The following CHCHD6 variants were observed in gnomAD, a reference collection of about 807,000 sequenced individuals.
The protein encoded by CHCHD6 is MICOS complex subunit MIC25.
CHCHD6 carries 28 observed loss-of-function variants against 32.3 expected under a neutral mutation model. That is an observed-to-expected ratio of 0.87 (90% CI 0.64 to 1.19). The LOEUF is 1.19. Among genes scored for constraint, CHCHD6 ranks in the 50% most tolerant of loss-of-function variants. CHCHD6 has a pLI of 0.00. For synonymous variants in CHCHD6, 122 were observed against 117.5 expected (o/e 1.04, Z -0.25); for missense variants, 333 against 307.0 (o/e 1.08, Z -0.63).
chr3:126,713,772 C>G lies in CHCHD6; in HGVS notation c.87+9373C>G, dbSNP rs545072762. 2.0e-5 allele frequency among the ~76,000 whole-genome samples: 3 copies of G among 152,320 alleles called. 1 individual carries two copies. In the South Asian group the frequency reaches 6.2e-4, roughly 32 times the overall value. Reference sequence around the variant, plus strand: ...ACTTGTTGGATAAAAGTTTAAGCCACTGGCTCAGTTTTTCTTGCCTCAAAC... The same window carrying G: ...ACTTGTTGGATAAAAGTTTAAGCCAGTGGCTCAGTTTTTCTTGCCTCAAAC... On this transcript the variant is annotated intron_variant, in intron 1 of 7. Coordinates refer to ENST00000290913, the MANE Select transcript of CHCHD6 (RefSeq NM_032343.3).
intron 4 of CHCHD6, among the ~76,000 whole-genome samples, chr3:126,809,555 G>T (rs1347853252): frequency 6.6e-6 from 1 of 152,204 alleles, no homozygotes; most frequent in East Asian, 1.9e-4. Flanking sequence ...ACTCAGAATT[G>T]TGTAAGCTGA....
At chr3:126,945,915 G>T (rs1053552068) in intron 6 of CHCHD6, among the ~76,000 whole-genome samples, 1 of 152,036 alleles carries the variant, frequency 6.6e-6, no homozygotes, top group African/African-American at 2.4e-5. Flanking sequence ...AAGACGACAG[G>T]GGGTGGGGAA....
chr3:126,704,339 C>T lies in CHCHD6; in HGVS notation c.27C>T (p.Gly9=). ...TGGGGAGCACGGAGAGCAGCGAGGG[C>T]CGCAGGGTGTCCTTCGGAGTGGACG... is the stretch of plus-strand genomic sequence containing the variant. MGSTESSE[G]RRVSFGVDEE... is the part of the protein sequence containing the mutation. Residue 9 remains glycine (G), a synonymous_variant, in exon 1 of 8, where the codon GGC becomes GGT. Transcript: ENST00000290913. 6.2e-7 allele frequency: 1 copy of T among 1,601,866 alleles called. No homozygotes were observed. Among genetic ancestry groups the T allele is most frequent in the Non-Finnish European group, 8.5e-7 (1 of 1,175,922 alleles).
chr3:126,710,787 C>G (rs1934715023), intron 1 of CHCHD6, among the ~76,000 whole-genome samples: 1 of 152,142 alleles, frequency 6.6e-6, no homozygotes, highest in Admixed American at 6.5e-5. Context: ...TTGTATCTTG[C>G]AACCTCGTTA....
intron 5 of CHCHD6, among the ~76,000 whole-genome samples, chr3:126,873,059 C>G (rs992100436): frequency 1.1e-4 from 16 of 152,148 alleles, no homozygotes; most frequent in Non-Finnish European, 2.1e-4. Flanking sequence ...CACGGCTGGT[C>G]GTAAATATCC....
chr3:126,747,393 A>AT (rs1936550230), intron 4 of CHCHD6, among the ~76,000 whole-genome samples: 1 of 152,186 alleles, frequency 6.6e-6, no homozygotes, highest in African/African-American at 2.4e-5. Flanking sequence ...AGTGCAACTC[A>AT]TAAGGTTAGT....
intron 5 of CHCHD6, among the ~76,000 whole-genome samples, chr3:126,875,087 C>T (rs535027517): frequency 6.6e-6 from 1 of 152,368 alleles, no homozygotes; most frequent in South Asian, 2.1e-4. Context: ...CTGGATCCCA[C>T]TGGGCGGAGC....
At chr3:126,813,413 G>A (rs1259033811) in intron 4 of CHCHD6, among the ~76,000 whole-genome samples, 1 of 152,130 alleles carries the variant, frequency 6.6e-6, no homozygotes, top group Non-Finnish European at 1.5e-5. Flanking sequence ...GAGATAAATG[G>A]TCACCTTACT....
intron 4 of CHCHD6, among the ~76,000 whole-genome samples, chr3:126,845,972 T>C (rs1346612530): frequency 6.6e-6 from 1 of 152,178 alleles, no homozygotes; most frequent in Non-Finnish European, 1.5e-5. Context: ...AAAAAATGAA[T>C]GACTCTGAGT....
intron 6 of CHCHD6, chr3:126,953,198 C>A: frequency 1.1e-6 from 1 of 924,922 alleles, no homozygotes. Flanking sequence ...TGTCTGATCC[C>A]AGAACCTGTG....
chr3:126,750,068 A>G (rs1346856563), intron 4 of CHCHD6, among the ~76,000 whole-genome samples: 1 of 152,204 alleles, frequency 6.6e-6, no homozygotes, highest in Non-Finnish European at 1.5e-5. Flanking sequence ...AACTGAGGAC[A>G]TCCAGTACAG....
At chr3:126,803,539 A>G (rs1303078388) in intron 4 of CHCHD6, among the ~76,000 whole-genome samples, 2 of 152,244 alleles carry the variant, frequency 1.3e-5, no homozygotes, top group Non-Finnish European at 2.9e-5. Context: ...TCTGCACCCA[A>G]TACAGGAGCA....
At chr3:126,733,593 A>G (rs1033845107) in intron 4 of CHCHD6, among the ~76,000 whole-genome samples, 9 of 152,206 alleles carry the variant, frequency 5.9e-5, no homozygotes, top group Non-Finnish European at 1.3e-4. Flanking sequence ...GCCTGGAGCC[A>G]TGTAATATAT....
chr3:126,872,226 GC>G (rs2077484736), intron 5 of CHCHD6, among the ~76,000 whole-genome samples: 1 of 152,100 alleles, frequency 6.6e-6, no homozygotes, highest in African/African-American at 2.4e-5. Context: ...GCCCCTCACA[GC>G]AAGGAATTAG....
At position 126,714,910 on chromosome 3, in the gene CHCHD6, T is replaced by C. The variant is rs528388864; in HGVS notation, c.87+10511T>C. ...CTGTGATGCCTCACTTTGTGAACTG[T>C]GTGAACTTTCAATGCAAAGACTAAT... On this transcript the variant is annotated intron_variant, in intron 1 of 7. Transcript: ENST00000290913. 2.8e-4 allele frequency among the ~76,000 whole-genome samples: 43 copies of C among 152,310 alleles called. No homozygotes were observed. The South Asian group carries it at 6.8e-3, about 24-fold the overall frequency.
chr3:126,928,588 G>A (rs1356988726), intron 6 of CHCHD6, among the ~76,000 whole-genome samples: 1 of 152,190 alleles, frequency 6.6e-6, no homozygotes, highest in Non-Finnish European at 1.5e-5. Flanking sequence ...GCCTATAACT[G>A]TTGGTCACTG....
chr3:126,902,539 A>T (rs1482225866), intron 5 of CHCHD6, among the ~76,000 whole-genome samples: 1 of 151,958 alleles, frequency 6.6e-6, no homozygotes, highest in Non-Finnish European at 1.5e-5. Flanking sequence ...ACATGGTGAA[A>T]CCCTGTCTCT....
chr3:126,766,994 C>T (rs1234087356), intron 4 of CHCHD6: 2 of 873,896 alleles, frequency 2.3e-6, no homozygotes, highest in East Asian at 2.4e-5. Flanking sequence ...CAGGCTACGT[C>T]TCACACAGCT....
chr3:126,704,439 G>T, intron 1 of CHCHD6, 40 bp downstream of exon 1: 1 of 1,344,662 alleles, frequency 7.4e-7, no homozygotes, highest in Non-Finnish European at 9.8e-7. Flanking sequence ...CGTGGAGGCC[G>T]CGGGCGCGGG....
Sources: gnomAD v4.1 joint callset for allele counts (sites outside exome capture counted in the v4.1 genomes callset) on GRCh38, gnomAD v4.1.1 for gene constraint, MANE v1.5 for transcripts, NCBI Gene and HGNC (gene_info 2026-07-23, HGNC 2026-07-21) for gene names.